Variants in ACSBG1 observed in about 807,000 individuals in gnomAD.
ACSBG1 encodes the protein acyl-CoA synthetase bubblegum family member 1.
A neutral mutation model predicts 80.2 loss-of-function variants in ACSBG1; 39 were observed. The ratio of observed to expected loss-of-function variants is 0.49; its 90% confidence interval spans 0.38 to 0.64. The LOEUF (loss-of-function observed/expected upper bound fraction) is 0.64. Among genes scored for constraint, ACSBG1 ranks in the 30% least tolerant of loss-of-function variants. The probability of loss-of-function intolerance (pLI) is 0.00; values close to 1 mark genes in which losing one functional copy is unlikely to be tolerated. For missense variants in ACSBG1, 828 were observed against 966.4 expected (o/e 0.86, Z 1.90); for synonymous variants, 392 against 379.5 (o/e 1.03, Z -0.38).
intron 1 of ACSBG1, among the ~76,000 whole-genome samples, chr15:78,225,988 C>T (rs2075397340): frequency 2.0e-5 from 3 of 152,106 alleles, no homozygotes. Context: ...GTCAATTCCT[C>T]CCTGAATGTT....
intron 5 of ACSBG1, 127 bp from the exon 6 acceptor site, chr15:78,182,912 C>G: frequency 2.1e-6 from 2 of 953,180 alleles, no homozygotes; most frequent in Non-Finnish European, 3.2e-6. Flanking sequence ...ACCTTCGACC[C>G]CAGCAGGACA....
At chr15:78,233,640 T>C (rs1810828030) in intron 1 of ACSBG1, among the ~76,000 whole-genome samples, 1 of 152,232 alleles carries the variant, frequency 6.6e-6, no homozygotes, top group African/African-American at 2.4e-5. Context: ...CCCCTTCGCC[T>C]GCGCCCCTCC....
At chr15:78,207,475 G>T (rs1241344787) in intron 2 of ACSBG1, among the ~76,000 whole-genome samples, 1 of 152,090 alleles carries the variant, frequency 6.6e-6, no homozygotes, top group South Asian at 2.1e-4. Context: ...TCATTTTGAT[G>T]ACTCTTCAGA....
At chr15:78,232,286 A>G (rs999507969) in intron 1 of ACSBG1, among the ~76,000 whole-genome samples, 1 of 152,242 alleles carries the variant, frequency 6.6e-6, no homozygotes, top group Non-Finnish European at 1.5e-5. Flanking sequence ...AAAGTCACTC[A>G]GCAAGAAAGT....
chr15:78,234,402 C>G lies in ACSBG1; in HGVS notation c.100G>C (p.Val34Leu), dbSNP rs749516701. The G allele has an allele frequency of 4.3e-6, 7 of 1,612,640 alleles. No individual in the cohort carries two copies. The Admixed American group carries it at 5.0e-5, about 12-fold the overall frequency. The change falls in exon 1 of 14, where the codon GTG becomes CTG. Residue 34 changes from valine (V) to leucine (L), a missense_variant. Transcript: ENST00000258873. ...TPQESRQDMI[V>L]RTTQEKLKTS... ...TTCAATTTTTCTTGGGTGGTCCTCA[C>G]AATCATGTCCTGCCGGCTCTCCTGT...
chr15:78,215,724 G>GAGAAAGAAAGAAAGAGAA lies in ACSBG1; in HGVS notation c.132-7623_132-7622insTTCTCTTTCTTTCTTTCT. On this transcript the variant is annotated intron_variant, in intron 1 of 13. Coordinates refer to ENST00000258873, the MANE Select transcript of ACSBG1 (RefSeq NM_015162.5). ...AGAAGGAAAGAGAGAAAGAAAGAAAGAGAAAGAAAGAAAGAAAGAAAGAAA... is the reference window on the plus strand; with the variant it reads ...AGAAGGAAAGAGAGAAAGAAAGAAAGAGAAAGAAAGAAAGAGAAAGAAAGAAAGAAAGAAAGAAAGAAA... 3.4e-5 allele frequency among the ~76,000 whole-genome samples: 4 copies of GAGAAAGAAAGAAAGAGAA among 116,642 alleles called. No individual in the cohort carries two copies. In the South Asian group the frequency reaches 1.2e-3, roughly 36 times the overall value. The allele number at this position is 116,642 out of a possible 152,430, so 76.5% of individuals were successfully genotyped here.
At chr15:78,223,954 G>C (rs1042400323) in intron 1 of ACSBG1, among the ~76,000 whole-genome samples, 1 of 152,184 alleles carries the variant, frequency 6.6e-6, no homozygotes, top group Non-Finnish European at 1.5e-5. Flanking sequence ...GGAGCACCAG[G>C]AGCTGGAAGA....
In ACSBG1 at chr15:78,203,901, G is replaced by A. The variant is rs568626893; in HGVS notation, c.232+4101C>T. Among the ~76,000 whole-genome samples, 52 of 152,306 alleles carry A rather than the reference G, an allele frequency of 3.4e-4. No individual in the cohort carries two copies. The South Asian group carries it at 0.011, about 31-fold the overall frequency. The stretch of plus-strand genomic sequence containing the variant: ...TCCTCCAAAGGCCAGGCAGGAACCA[G>A]CCCCAGGAGGGCCCCTCTCTCCAAC... On this transcript the variant is annotated intron_variant, in intron 2 of 13. Transcript: ENST00000258873.
At chr15:78,207,917 T>TCCCCCCCAACCCCCCCCCCC in intron 2 of ACSBG1, 85 bp downstream of exon 2, 1 of 876,066 alleles carries the variant, frequency 1.1e-6, no homozygotes, top group Non-Finnish European at 1.8e-6. Flanking sequence ...TGTGTGGTGG[T>TCCCCCCCAACCCCCCCCCCC]CCCCCACACC....
At chr15:78,230,962 C>A (rs1255636755) in intron 1 of ACSBG1, among the ~76,000 whole-genome samples, 1 of 152,166 alleles carries the variant, frequency 6.6e-6, no homozygotes, top group Non-Finnish European at 1.5e-5. Context: ...AATGATCTCT[C>A]TGCCTTATTT....
intron 13 of ACSBG1, 37 bp downstream of exon 13, chr15:78,173,556 C>T: frequency 6.2e-7 from 1 of 1,606,174 alleles, no homozygotes; most frequent in Non-Finnish European, 8.5e-7. Context: ...TCTGCCTTCC[C>T]ACACAGCCCT....
intron 1 of ACSBG1, among the ~76,000 whole-genome samples, chr15:78,210,526 G>A (rs1024218250): frequency 6.6e-6 from 1 of 152,154 alleles, no homozygotes; most frequent in African/African-American, 2.4e-5. Flanking sequence ...GAAACTGCTC[G>A]GGCCATCTGC....
intron 2 of ACSBG1, among the ~76,000 whole-genome samples, chr15:78,201,251 G>A (rs2075164525): frequency 6.6e-6 from 1 of 152,202 alleles, no homozygotes; most frequent in Non-Finnish European, 1.5e-5. Flanking sequence ...CTTCTTTGGG[G>A]AAGAATGAGC....
intron 11 of ACSBG1, among the ~76,000 whole-genome samples, chr15:78,175,235 T>C (rs918638834): frequency 1.3e-5 from 2 of 152,276 alleles, no homozygotes; most frequent in Non-Finnish European, 2.9e-5. Flanking sequence ...GGCTTACTTC[T>C]AGGCTAGATG....
chr15:78,175,368 T>A (rs1595878752), intron 11 of ACSBG1, among the ~76,000 whole-genome samples: 1 of 152,242 alleles, frequency 6.6e-6, no homozygotes, highest in East Asian at 1.9e-4. Context: ...TGTGCACAGG[T>A]CCTGTGCTGA....
In ACSBG1 at chr15:78,171,250, C is replaced by G; in HGVS notation, c.*194G>C. The G allele has an allele frequency of 2.0e-6, 1 of 496,238 alleles. No homozygotes were observed. The highest frequency in any genetic ancestry group is 3.3e-5 in the East Asian group (1 of 30,502). 30.7% of individuals were successfully genotyped at this position (496,238 alleles called of 1,614,324 possible). ...TTAAACTGAATTAAAACTACCCACA[C>G]GTGAAGCTTCTTGGAATTGTCAGCT... On this transcript the variant is annotated 3_prime_UTR_variant, in exon 14 of 14. Coordinates refer to ENST00000258873, the MANE Select transcript of ACSBG1 (RefSeq NM_015162.5).
intron 7 of ACSBG1, 30 bp downstream of exon 7, chr15:78,182,436 C>G (rs541886543): frequency 5.3e-6 from 8 of 1,519,272 alleles, no homozygotes; most frequent in South Asian, 2.3e-5. Context: ...CCCCTTGCAC[C>G]CCCCCCACCC....
chr15:78,188,803 A>C (rs929348874), intron 5 of ACSBG1, among the ~76,000 whole-genome samples: 4 of 150,124 alleles, frequency 2.7e-5, no homozygotes, highest in African/African-American at 9.8e-5. Flanking sequence ...AGCAATGGCA[A>C]CAAAAGCCAA....
At chr15:78,221,123 T>C (rs924401421) in intron 1 of ACSBG1, among the ~76,000 whole-genome samples, 1 of 151,998 alleles carries the variant, frequency 6.6e-6, no homozygotes, top group Non-Finnish European at 1.5e-5. Context: ...AGAAAAGAAA[T>C]AAGACACAGA....
Sources: gnomAD v4.1 joint callset for allele counts (sites outside exome capture counted in the v4.1 genomes callset) on GRCh38, gnomAD v4.1.1 for gene constraint, MANE v1.5 for transcripts, NCBI Gene and HGNC (gene_info 2026-07-23, HGNC 2026-07-21) for gene names.